UNC13D: variants seen among roughly 807,000 people sequenced by gnomAD.
The protein encoded by UNC13D is protein unc-13 homolog D.
In UNC13D, 115 loss-of-function variants were observed where a neutral mutation model predicts 151.7. The ratio of observed to expected loss-of-function variants is 0.76; its 90% CI spans 0.65 to 0.88. The LOEUF is 0.88. UNC13D is among the 40% of genes least tolerant of loss of function. The pLI is 0.00. For synonymous variants in UNC13D, 588 were observed against 612.2 expected (o/e 0.96, Z 0.58); for missense variants, 1,369 against 1,438.7 (o/e 0.95, Z 0.78).
chr17:75,830,709 A>G, intron 27 of UNC13D, 48 bp from the exon 28 acceptor site: 1 of 1,547,356 alleles, frequency 6.5e-7, no homozygotes, highest in Non-Finnish European at 8.7e-7. Context: ...ACGCCCAACC[A>G]CAGCCCAGGC....
At chr17:75,834,895 G>A (rs774811789) in intron 21 of UNC13D, 25 bp downstream of exon 21, 9 of 1,613,738 alleles carry the variant, frequency 5.6e-6, no homozygotes, top group African/African-American at 5.3e-5. Context: ...GAAAGAGGGG[G>A]AAGGACACGT....
Position 75,836,413 on chromosome 17 carries a change from A to C in UNC13D, c.1315T>G (p.Cys439Gly), listed in dbSNP as rs1273385601. ...QSLLRVLVQM[C>G]KMKAFGELCP... is the part of the protein sequence containing the mutation. ...AGTTCTCCAAAGGCCTTCATCTTGC[A>C]CATCTGTACCAGGACCCTGCAAGAT... Residue 439 changes from cysteine (C) to glycine (G), a missense_variant, in exon 15 of 32, where the codon TGC becomes GGC. Cys to Gly is a radical substitution (Grantham distance 159). Around this residue, in one of 3 missense-constraint regions of UNC13D, gnomAD observed 550 missense variants for 609.0 expected, o/e 0.90. Coordinates refer to ENST00000207549, the MANE Select transcript of UNC13D (RefSeq NM_199242.3). The C allele has an allele frequency of 6.2e-7, 1 of 1,613,410 alleles. No individual in the cohort carries two copies.
intron 31 of UNC13D, 43 bp from the exon 32 acceptor site, chr17:75,828,129 G>T: frequency 1.3e-6 from 2 of 1,559,062 alleles, no homozygotes; most frequent in Non-Finnish European, 8.7e-7. Flanking sequence ...AGGGGAGAGG[G>T]CAGTGCCTGG....
At position 75,836,994 on chromosome 17, in the gene UNC13D, G is replaced by A; in HGVS notation, c.1056-76C>T. 6.5e-6 allele frequency: 6 copies of A among 924,966 alleles called. No homozygotes were observed. In the Middle Eastern group the frequency reaches 1.3e-3, roughly 197 times the overall value. 57.3% of individuals were successfully genotyped at this position (924,966 alleles called of 1,614,324 possible). Reference sequence around the variant, plus strand: ...CCCCTGTTCACCCGGCCTCAGGTGGGGGGAATCGCCTCCCATCCACCAGTA... The same window carrying A: ...CCCCTGTTCACCCGGCCTCAGGTGGAGGGAATCGCCTCCCATCCACCAGTA... On this transcript the variant is annotated intron_variant, in intron 12 of 31. Transcript: ENST00000207549.
chr17:75,830,198 A>G (rs1315823995), intron 29 of UNC13D, 47 bp from the exon 30 acceptor site: 1 of 1,569,274 alleles, frequency 6.4e-7, no homozygotes, highest in South Asian at 1.2e-5. Context: ...TCTCCCAGGC[A>G]CCCCACCCCA....
At chr17:75,843,983 G>T in intron 1 of UNC13D, 1 of 1,414,450 alleles carries the variant, frequency 7.1e-7, no homozygotes, top group South Asian at 1.5e-5. Context: ...GGCCAACCGG[G>T]AGGGAGGGGT....
In UNC13D at chr17:75,834,363, G is replaced by A; in HGVS notation, c.2260C>T (p.His754Tyr). Residue 754 changes from histidine (H) to tyrosine (Y), a missense_variant, in exon 23 of 32, where the codon CAT (histidine) becomes TAT (tyrosine). This residue lies in a region of UNC13D where 807 missense variants were observed against 795.5 expected (regional missense o/e 1.01). Coordinates refer to ENST00000207549, the MANE Select transcript of UNC13D (RefSeq NM_199242.3). ...QLQSALAGLG[H>Y]EIRTGVRTLA... ...GTGCGGACGCCAGTGCGGATCTCAT[G>A]GCCCAGCCCGGCCAGCGCGCTCTGC... 6.3e-7 allele frequency: 1 copy of A among 1,594,208 alleles called. No individual in the cohort carries two copies. The highest frequency in any genetic ancestry group is 8.5e-7 in the Non-Finnish European group (1 of 1,178,576).
rs569980766 is a variant in UNC13D at position 75,830,090 on chromosome 17, G to A, written c.2892C>T (p.Ala964=). The change falls in exon 30 of 32, where the codon GCC becomes GCT. Residue 964 remains alanine, a synonymous_variant. Coordinates refer to ENST00000207549, the MANE Select transcript of UNC13D (RefSeq NM_199242.3). ...TCTTGTGCTTCTGGGTCTCCCGGGC[G>A]GCCAGCTCAGGGAACTCATGCCTGG... ...LEPRHEFPEL[A]ARETQKHKKD... The A allele has an allele frequency of 1.8e-5, 29 of 1,580,872 alleles. No individual in the cohort carries two copies. The highest frequency in any genetic ancestry group is 1.7e-4 in the South Asian group (15 of 86,274).
chr17:75,841,049 C>T (rs755179179), intron 6 of UNC13D, 48 bp from the exon 7 acceptor site: 13 of 1,612,350 alleles, frequency 8.1e-6, no homozygotes, highest in Admixed American at 3.3e-5. Context: ...GGTGGATGCC[C>T]CCAGACGAAG....
Position 75,828,021 on chromosome 17 carries a change from G to A in UNC13D, c.3217C>T (p.Leu1073=). 6.3e-7 allele frequency: 1 copy of A among 1,591,672 alleles called. No individual in the cohort carries two copies. The highest frequency in any genetic ancestry group is 2.3e-5 in the East Asian group (1 of 43,506). Residue 1073 remains leucine, a synonymous_variant, in exon 32 of 32, where the codon CTG becomes TTG. Coordinates refer to ENST00000207549, the MANE Select transcript of UNC13D (RefSeq NM_199242.3). The part of the protein sequence containing the change: ...GDREAQVFVR[L]RRHRAKQASQ... ...GCCTGCTTGGCCCGGTGCCGCCGCA[G>A]CCTCACAAAGACCTGGGCTTCTCGG...
chr17:75,829,914 C>A, intron 30 of UNC13D, 114 bp downstream of exon 30: 1 of 1,506,784 alleles, frequency 6.6e-7, no homozygotes. Context: ...CCCTTGGGCC[C>A]AAATGTGGCC....
In UNC13D at chr17:75,832,771, G is replaced by T. The variant is rs2064880367; in HGVS notation, c.2447+195C>A. On this transcript the variant is annotated intron_variant, in intron 25 of 31. Transcript: ENST00000207549. The surrounding 1 kb of genome is among the most constrained non-coding windows in gnomAD (Gnocchi z 4.3). ...CACCCATAAGGGAGGTCACCAAAGG[G>T]ATTCACCTCCACCCCTCAGAACGGA... 3.5e-6 allele frequency: 2 copies of T among 575,260 alleles called. No individual in the cohort carries two copies. The highest frequency in any genetic ancestry group is 3.2e-6 in the Non-Finnish European group (1 of 314,808). The allele number at this position is 575,260 out of a possible 1,614,324, so 35.6% of individuals were successfully genotyped here.
rs527931280 is a variant in UNC13D at position 75,843,306 on chromosome 17, C to T, written c.154-40G>A. On this transcript the variant is annotated intron_variant, in intron 2 of 31. Transcript: ENST00000207549. ...GTCACCTTGGGGACCCCACCAGCCACCCCTGGCACCAACACCTCTCGCCAT... is the reference window on the plus strand; with the variant it reads ...GTCACCTTGGGGACCCCACCAGCCATCCCTGGCACCAACACCTCTCGCCAT... The T allele has an allele frequency of 2.2e-4, 360 of 1,600,408 alleles. 13 individuals are homozygous for T. The South Asian group carries it at 3.9e-3, about 17-fold the overall frequency.
intron 6 of UNC13D, among the ~76,000 whole-genome samples, chr17:75,841,780 C>T (rs1159127120): frequency 2.1e-5 from 3 of 140,812 alleles, no homozygotes; most frequent in Admixed American, 7.2e-5. Flanking sequence ...GACAGAGTGT[C>T]GCTCTGTCAC....
chr17:75,833,546 A>AT lies in UNC13D; in HGVS notation c.2368-502dup, dbSNP rs142440566. ...AGAGTTAACAGCTATAACTATCACT[A>AT]TAGTTATGGATACTCACTATGTAGC... On this transcript the variant is annotated intron_variant, in intron 24 of 31. Transcript: ENST00000207549. The surrounding 1 kb of genome is among the most constrained non-coding windows in gnomAD (Gnocchi z 4.0). Among the ~76,000 whole-genome samples the AT allele has an allele frequency of 0.013, 1,904 of 152,278 alleles. 44 individuals are homozygous for AT. Among genetic ancestry groups the AT allele is most frequent in the African/African-American group, 0.042 (1,742 of 41,540 alleles).
chr17:75,843,839 C>CG, intron 1 of UNC13D: 1 of 1,370,962 alleles, frequency 7.3e-7, no homozygotes, highest in Non-Finnish European at 9.4e-7. Flanking sequence ...AAGTGAGGCT[C>CG]GGCAGCGGAG....
chr17:75,827,975 G>A lies in UNC13D; in HGVS notation c.3263C>T (p.Pro1088Leu), dbSNP rs564329348. The A allele has an allele frequency of 1.4e-5, 22 of 1,606,148 alleles. No individual in the cohort carries two copies. Among genetic ancestry groups the A allele is most frequent in the African/African-American group, 9.3e-5 (7 of 74,872 alleles). Residue 1088 changes from proline to leucine, a missense_variant, in exon 32 of 32, where the codon CCG becomes CTG. By Grantham distance (98) the Pro-to-Leu change is moderately conservative. Coordinates refer to ENST00000207549, the MANE Select transcript of UNC13D (RefSeq NM_199242.3). ...AKQASQHALR[P>L]AP Reference sequence around the variant, plus strand: ...CGCAAACCTCTACGGCTACGGTGCCGGCCGCAAGGCATGCTGGGAGGCCTG... The same window carrying A: ...CGCAAACCTCTACGGCTACGGTGCCAGCCGCAAGGCATGCTGGGAGGCCTG...
intron 25 of UNC13D, 54 bp from the exon 26 acceptor site, chr17:75,831,402 AGGAAGCAAAGAC>A: frequency 6.5e-7 from 1 of 1,530,892 alleles, no homozygotes; most frequent in Non-Finnish European, 8.9e-7. Flanking sequence ...GTGGCGGAGG[AGGAAGCAAAGAC>A]GCTCTTGAGA....
chr17:75,836,102 G>C lies in UNC13D; in HGVS notation c.1454C>G (p.Pro485Arg), dbSNP rs550974990. The C allele has an allele frequency of 7.4e-6, 12 of 1,613,228 alleles. No individual in the cohort carries two copies. Among genetic ancestry groups the C allele is most frequent in the Non-Finnish European group, 1.0e-5 (12 of 1,180,036 alleles). ...GCCCAGCAAGGCCTTGCCTGCCTCCGGGATGCCCTGCAGAGACAGAGGTGG... is the reference window on the plus strand; with the variant it reads ...GCCCAGCAAGGCCTTGCCTGCCTCCCGGATGCCCTGCAGAGACAGAGGTGG... ...QHHQPMVQGIPEAGKALLGLV... is the reference protein window; with the variant it reads ...QHHQPMVQGIREAGKALLGLV... Residue 485 changes from proline to arginine, a missense_variant, in exon 17 of 32, where the codon CCG becomes CGG. Transcript: ENST00000207549.
Sources: gnomAD v4.1 joint callset for allele counts (sites outside exome capture counted in the v4.1 genomes callset) on GRCh38, gnomAD v4.1.1 for gene constraint, gnomAD v4.1.1 regional missense constraint, Gnocchi (gnomAD v3.1) non-coding constraint, MANE v1.5 for transcripts, NCBI Gene and HGNC (gene_info 2026-07-23, HGNC 2026-07-21) for gene names.